Variants in ANKRD17 observed in about 807,000 individuals in gnomAD.
ANKRD17 encodes ankyrin repeat domain 17, also known as ankyrin repeat domain-containing protein 17.
ANKRD17 carries 19 observed loss-of-function variants against 229.7 expected under a neutral mutation model. The observed-to-expected ratio is 0.08, with a 90% confidence interval of 0.06 to 0.12. The LOEUF (loss-of-function observed/expected upper bound fraction) is 0.12, where lower values mean the gene tolerates loss of function less well. Ranked by LOEUF, ANKRD17 falls within the 10% of genes least tolerant of loss-of-function variation. The probability of loss-of-function intolerance (pLI) is 1.00; values close to 1 mark genes in which losing one functional copy is unlikely to be tolerated. For synonymous variants in ANKRD17, 1,112 were observed against 1,146.1 expected (o/e 0.97, Z 0.60); for missense variants, 2,176 against 3,176.8 (o/e 0.68, Z 7.57).
intron 30 of ANKRD17, among the ~76,000 whole-genome samples, chr4:73,079,779 T>C (rs1721366381): frequency 6.6e-6 from 1 of 152,060 alleles, no homozygotes. Context: ...TATACATTAT[T>C]GAGAAAAAAC....
At chr4:73,097,093 A>G (rs776207552) in intron 27 of ANKRD17, 24 bp downstream of exon 27, 19 of 1,603,908 alleles carry the variant, frequency 1.2e-5, no homozygotes, top group Non-Finnish European at 1.6e-5. Flanking sequence ...GCACATAAAA[A>G]GAATGACAAA....
chr4:73,073,766 A>C lies in ANKRD17; in HGVS notation c.*2465T>G, dbSNP rs1463860343. ...GATTATGTTGAAATGTATGTTGAAA[A>C]GGCATGAAATGTGGAATTTTGTTGG... On this transcript the variant is annotated 3_prime_UTR_variant, in exon 34 of 34. Transcript: ENST00000358602. 1 of 152,036 alleles carries C rather than the reference A, an allele frequency of 6.6e-6. No individual in the cohort carries two copies. The highest frequency in any genetic ancestry group is 2.4e-5 in the African/African-American group (1 of 41,456). 9.4% of individuals were successfully genotyped at this position (152,036 alleles called of 1,614,324 possible).
chr4:73,083,081 G>T (rs1406214452), intron 30 of ANKRD17, among the ~76,000 whole-genome samples: 2 of 152,134 alleles, frequency 1.3e-5, no homozygotes, highest in Non-Finnish European at 2.9e-5. Flanking sequence ...ATGAGGAAAG[G>T]AAGTAATGCA....
At chr4:73,216,673 G>A (rs1035564083) in intron 1 of ANKRD17, among the ~76,000 whole-genome samples, 2 of 152,142 alleles carry the variant, frequency 1.3e-5, no homozygotes, top group Non-Finnish European at 2.9e-5. Flanking sequence ...CAATGCTTAT[G>A]TAGTACCTGG....
At chr4:73,160,561 T>C (rs966397341) in intron 3 of ANKRD17, among the ~76,000 whole-genome samples, 3 of 152,132 alleles carry the variant, frequency 2.0e-5, no homozygotes, top group Non-Finnish European at 4.4e-5. Flanking sequence ...ATATATGAGA[T>C]GGTGTGATTT....
At chr4:73,233,118 T>A (rs1743211263) in intron 1 of ANKRD17, among the ~76,000 whole-genome samples, 1 of 152,172 alleles carries the variant, frequency 6.6e-6, no homozygotes, top group South Asian at 2.1e-4. Flanking sequence ...ATAAGTCTTG[T>A]TACCCTCCTG....
chr4:73,187,085 G>A (rs372002581), intron 1 of ANKRD17, among the ~76,000 whole-genome samples: 124 of 152,282 alleles, frequency 8.1e-4, no homozygotes, highest in African/African-American at 2.7e-3. Context: ...GGACCTGTTA[G>A]GGGTCAGACT....
intron 1 of ANKRD17, among the ~76,000 whole-genome samples, chr4:73,200,184 C>A (rs1738459864): frequency 6.6e-6 from 1 of 152,168 alleles, no homozygotes; most frequent in African/African-American, 2.4e-5. Context: ...ATGTCTGCTT[C>A]CATTCAGTAT....
rs76165257 is a variant in ANKRD17, at chr4:73,230,856, G to T, written c.393+27420C>A. Among the ~76,000 whole-genome samples the T allele has an allele frequency of 2.4e-3, 367 of 152,210 alleles. 2 individuals carry two copies. The highest frequency in any genetic ancestry group is 0.016 in the South Asian group (77 of 4,812). On this transcript the variant is annotated intron_variant, in intron 1 of 33. Coordinates refer to ENST00000358602, the MANE Select transcript of ANKRD17 (RefSeq NM_032217.5). Reference sequence around the variant, plus strand: ...CATTTGTTGTCTCTACCCATGGTGGGTCACACCATGAATTCATTCTTTTTC... The same window carrying T: ...CATTTGTTGTCTCTACCCATGGTGGTTCACACCATGAATTCATTCTTTTTC...
chr4:73,125,155 AT>A, intron 17 of ANKRD17, 45 bp downstream of exon 17: 5 of 1,591,500 alleles, frequency 3.1e-6, no homozygotes, highest in Non-Finnish European at 4.3e-6. Context: ...TCCTAAATAA[AT>A]TTTTTGACCA....
At chr4:73,084,931 C>T (rs1316442294) in intron 30 of ANKRD17, among the ~76,000 whole-genome samples, 1 of 152,120 alleles carries the variant, frequency 6.6e-6, no homozygotes, top group East Asian at 1.9e-4. Context: ...CACCTGTAAT[C>T]CCAGCTCTTT....
chr4:73,162,269 C>T (rs753139489), intron 2 of ANKRD17, among the ~76,000 whole-genome samples: 1 of 151,992 alleles, frequency 6.6e-6, no homozygotes, highest in African/African-American at 2.4e-5. Context: ...AGGCTGGTCT[C>T]GAACTCCTGG....
intron 2 of ANKRD17, among the ~76,000 whole-genome samples, chr4:73,162,127 TGCA>T: frequency 6.6e-6 from 1 of 151,934 alleles, no homozygotes; most frequent in African/African-American, 2.4e-5. Flanking sequence ...TACAGTTTAC[TGCA>T]GCCTCAGCGT....
chr4:73,139,517 CAAT>C lies in ANKRD17; in HGVS notation c.3085+11_3085+13del, dbSNP rs1253969984. ...AATCATATTTGATACCTGCTCATAA[CAAT>C]ATAAACCCACCTGCCATGATGTCAT... On this transcript the variant is annotated intron_variant, in intron 15 of 33. Coordinates refer to ENST00000358602, the MANE Select transcript of ANKRD17 (RefSeq NM_032217.5). 1 of 1,598,048 alleles carries C rather than the reference CAAT, an allele frequency of 6.3e-7. No homozygotes were observed. The highest frequency in any genetic ancestry group is 1.3e-5 in the African/African-American group (1 of 74,448).
chr4:73,085,543 AT>A, intron 29 of ANKRD17, 97 bp from the exon 30 acceptor site: 1 of 1,050,736 alleles, frequency 9.5e-7, no homozygotes, highest in Non-Finnish European at 1.4e-6. Context: ...ATTCAAAACT[AT>A]TTTAGATAAT....
At chr4:73,199,221 CTG>C (rs10577503) in intron 1 of ANKRD17, among the ~76,000 whole-genome samples, 59,234 of 140,090 alleles carry the variant, frequency 0.42, 13,269 homozygotes, top group East Asian at 0.57. Flanking sequence ...TACAGTTTGG[CTG>C]TGTGTGTGTG....
At chr4:73,120,541 CA>C (rs34780921) in intron 20 of ANKRD17, among the ~76,000 whole-genome samples, 1,997 of 117,896 alleles carry the variant, frequency 0.017, 38 homozygotes, top group African/African-American at 0.055. Context: ...AACGGTATTG[CA>C]AAAAAAAAAA....
intron 15 of ANKRD17, among the ~76,000 whole-genome samples, chr4:73,138,349 C>T (rs555700768): frequency 3.2e-4 from 48 of 152,162 alleles, no homozygotes; most frequent in African/African-American, 1.2e-3. Flanking sequence ...TTTCATTCCA[C>T]ATGTTATAAC....
intron 8 of ANKRD17, among the ~76,000 whole-genome samples, chr4:73,147,680 G>A (rs4694156): frequency 2.0e-5 from 3 of 151,648 alleles, no homozygotes; most frequent in South Asian, 2.1e-4. Context: ...GGTACAAGTC[G>A]GGTGATAAAA....
Sources: allele counts gnomAD v4.1 joint callset (sites outside exome capture counted in the v4.1 genomes callset), GRCh38; gene constraint gnomAD v4.1.1; transcripts MANE v1.5; gene names NCBI Gene and HGNC (gene_info 2026-07-23, HGNC 2026-07-21).